Variants in WDR75 observed in about 807,000 individuals in gnomAD.
WDR75 encodes the protein WD repeat domain 75.
Under a neutral mutation model 106.1 loss-of-function variants are expected in WDR75, and 52 were observed. The observed-to-expected ratio is 0.49, with a 90% CI of 0.39 to 0.62. The LOEUF (loss-of-function observed/expected upper bound fraction) is 0.62. WDR75 is among the 20% of genes least tolerant of loss of function. WDR75 has a pLI of 0.00. For missense variants in WDR75, 905 were observed against 970.3 expected (o/e 0.93, Z 0.89); for synonymous variants, 333 against 335.5 (o/e 0.99, Z 0.08).
intron 19 of WDR75, 79 bp from the exon 20 acceptor site, chr2:189,474,638 T>A: frequency 8.0e-7 from 1 of 1,242,802 alleles, no homozygotes; most frequent in Non-Finnish European, 1.2e-6. Context: ...TAAAAGGGAC[T>A]CCGTGAGGAC....
In WDR75 at chr2:189,451,186, A is replaced by G. The variant is rs535688660; in HGVS notation, c.282+218A>G. On this transcript the variant is annotated intron_variant, in intron 3 of 20. Transcript: ENST00000314761. ...GATATTTACAAAAGATATTATTCCA[A>G]ATATACAAAAATCTTCCCAAAAACC... 1.8e-4 allele frequency among the ~76,000 whole-genome samples: 28 copies of G among 152,366 alleles called. No homozygotes were observed. In the South Asian group the frequency reaches 5.6e-3, roughly 30 times the overall value.
chr2:189,469,467 G>A (rs754996417), intron 16 of WDR75, 28 bp downstream of exon 16: 5 of 1,546,162 alleles, frequency 3.2e-6, no homozygotes, highest in Non-Finnish European at 4.5e-6. Context: ...TTTGTAGTAA[G>A]AGAACATCTA....
At chr2:189,473,231 TAAG>T (rs1267416097) in intron 18 of WDR75, among the ~76,000 whole-genome samples, 2 of 151,608 alleles carry the variant, frequency 1.3e-5, no homozygotes, top group African/African-American at 2.4e-5. Flanking sequence ...AAAAAAATTA[TAAG>T]AAAGAGAAAA....
Position 189,459,543 on chromosome 2 carries a change from TTG to T in WDR75, c.778+125_778+126del, listed in dbSNP as rs558450462. 93 of 945,232 alleles carry T rather than the reference TTG, an allele frequency of 9.8e-5. No individual in the cohort carries two copies. The African/African-American group carries it at 1.5e-3, about 15-fold the overall frequency. The allele number at this position is 945,232 out of a possible 1,614,324, so 58.6% of individuals were successfully genotyped here. ...CATGAGCCAAATGAATTCCAAACAC[TTG>T]TGTGTTACCCCTGTATTTTGGGCTT... On this transcript the variant is annotated intron_variant, in intron 8 of 20. Coordinates refer to ENST00000314761, the MANE Select transcript of WDR75 (RefSeq NM_032168.3).
Position 189,475,406 on chromosome 2 carries a change from G to A in WDR75, c.2482G>A (p.Ala828Thr). The change falls in exon 21 of 21, where the codon GCT becomes ACT. Residue 828 changes from alanine (A) to threonine (T), a missense_variant. Transcript: ENST00000314761. ...KFRKIDYSWI[A>T]AL ...TAGGAAAATAGACTACAGCTGGATA[G>A]CTGCCCTTTAAGCCTTGGAGATGGG... 1 of 1,605,606 alleles carries A rather than the reference G, an allele frequency of 6.2e-7. No individual in the cohort carries two copies. Among genetic ancestry groups the A allele is most frequent in the East Asian group, 2.2e-5 (1 of 44,692 alleles).
intron 1 of WDR75, among the ~76,000 whole-genome samples, chr2:189,443,047 C>G (rs957499434): frequency 3.3e-5 from 5 of 152,166 alleles, no homozygotes; most frequent in Non-Finnish European, 7.3e-5. Context: ...TACTTGTCAA[C>G]TATATATTAT....
intron 8 of WDR75, among the ~76,000 whole-genome samples, chr2:189,460,906 CTG>C (rs1336785516): frequency 6.6e-6 from 1 of 152,064 alleles, no homozygotes; most frequent in Non-Finnish European, 1.5e-5. Flanking sequence ...TCCTTACTGA[CTG>C]TGTGGGTATG....
Position 189,462,733 on chromosome 2 carries a change from T to C in WDR75, c.937+91T>C, listed in dbSNP as rs1558986636. 4 of 1,259,918 alleles carry C rather than the reference T, an allele frequency of 3.2e-6. No homozygotes were observed. In the Admixed American group the frequency reaches 6.6e-5, roughly 21 times the overall value. The allele number at this position is 1,259,918 out of a possible 1,614,324, so 78.0% of individuals were successfully genotyped here. A position where few individuals can be genotyped will look rare whatever the true frequency, so the allele number is the denominator to read the frequency against. The stretch of plus-strand genomic sequence containing the variant: ...AACAGAGAATAAAGAGACCTAAAAC[T>C]AAGAGTAGCGTATGAGATTTAATGA... On this transcript the variant is annotated intron_variant, in intron 9 of 20. Transcript: ENST00000314761.
intron 17 of WDR75, 41 bp downstream of exon 17, chr2:189,470,286 G>C (rs1283533392): frequency 3.2e-6 from 5 of 1,580,846 alleles, no homozygotes; most frequent in Non-Finnish European, 4.3e-6. Context: ...TTTGTACATG[G>C]AATTTTAGAC....
intron 20 of WDR75, 124 bp downstream of exon 20, chr2:189,474,932 T>A: frequency 1.2e-6 from 1 of 848,418 alleles, no homozygotes; most frequent in Non-Finnish European, 1.9e-6. Flanking sequence ...TAAAATAGAT[T>A]TAAAGGCTAT....
At chr2:189,464,049 CA>C (rs1686952591) in intron 11 of WDR75, 88 bp downstream of exon 11, 1 of 1,085,710 alleles carries the variant, frequency 9.2e-7, no homozygotes, top group East Asian at 2.4e-5. Context: ...GCTTTTAAAA[CA>C]AGATCCTGTG....
chr2:189,442,270 A>G (rs761870035), intron 1 of WDR75, among the ~76,000 whole-genome samples: 2 of 152,104 alleles, frequency 1.3e-5, no homozygotes, highest in Non-Finnish European at 2.9e-5. Flanking sequence ...AACTACAGAC[A>G]ACAATGCCCG....
chr2:189,450,700 C>T, intron 2 of WDR75: 2 of 1,365,700 alleles, frequency 1.5e-6, no homozygotes, highest in Non-Finnish European at 1.9e-6. Flanking sequence ...TTAGTTAAAA[C>T]TTGAAATGGA....
At position 189,455,404 on chromosome 2, in the gene WDR75, A is replaced by C; in HGVS notation, c.458A>C (p.Tyr153Ser). ...EAKELSFVLD[Y>S]INQSPKCIAF... is the part of the protein sequence containing the mutation. ...AAGGAGCTGTCCTTTGTTTTGGATTACATAAACCAGTCACCCAAGTGCATT... is the reference window on the plus strand; with the variant it reads ...AAGGAGCTGTCCTTTGTTTTGGATTCCATAAACCAGTCACCCAAGTGCATT... The change falls in exon 5 of 21, where the codon TAC becomes TCC. Residue 153 changes from tyrosine (Y) to serine (S), a missense_variant. Tyr to Ser is a moderately radical substitution (Grantham distance 144, BLOSUM62 -2). Coordinates refer to ENST00000314761, the MANE Select transcript of WDR75 (RefSeq NM_032168.3). The C allele has an allele frequency of 6.2e-7, 1 of 1,614,060 alleles. No homozygotes were observed. The highest frequency in any genetic ancestry group is 8.5e-7 in the Non-Finnish European group (1 of 1,179,962).
chr2:189,474,804 AAG>A lies in WDR75; in HGVS notation c.2287_2288del (p.Ser763CysfsTer2), dbSNP rs767511624. ...TTCATTGCTGCTGTCTAAAGAGACTAAGAGGTAAAGCAGTTCTTAAGACAGGT... is the reference window on the plus strand; with the variant it reads ...TTCATTGCTGCTGTCTAAAGAGACTAAGGTAAAGCAGTTCTTAAGACAGGT... ...VNSLLLSKET[K>X]SAKEIPEDVD... On this transcript the variant is annotated frameshift_variant and splice_region_variant, in exon 20 of 21. Coordinates refer to ENST00000314761, the MANE Select transcript of WDR75 (RefSeq NM_032168.3). LOFTEE classifies it high-confidence loss of function. 9.9e-6 allele frequency: 16 copies of A among 1,613,034 alleles called. No individual in the cohort carries two copies. In the Admixed American group the frequency reaches 1.3e-4, roughly 13 times the overall value.
At chr2:189,472,990 G>A (rs1390247303) in intron 18 of WDR75, among the ~76,000 whole-genome samples, 2 of 152,164 alleles carry the variant, frequency 1.3e-5, no homozygotes, top group Non-Finnish European at 2.9e-5. Context: ...GGCCAAGGCA[G>A]GTAGATCACT....
At chr2:189,457,242 A>C (rs77994114) in intron 5 of WDR75, 69 bp from the exon 6 acceptor site, 3 of 825,324 alleles carry the variant, frequency 3.6e-6, no homozygotes, top group South Asian at 1.8e-5. Flanking sequence ...ACTTTGTCTC[A>C]AAAAAAAAAG....
At chr2:189,451,994 G>A in intron 4 of WDR75, 99 bp downstream of exon 4, 2 of 896,032 alleles carry the variant, frequency 2.2e-6, no homozygotes, top group East Asian at 2.5e-5. Flanking sequence ...GAAGCCAACA[G>A]TTTTTAGAAT....
intron 16 of WDR75, 35 bp downstream of exon 16, chr2:189,469,474 T>A (rs781264844): frequency 4.0e-6 from 6 of 1,518,484 alleles, no homozygotes; most frequent in Non-Finnish European, 4.6e-6. Context: ...TAAGAGAACA[T>A]CTATGACCTA....
Sources: allele counts gnomAD v4.1 joint callset (sites outside exome capture counted in the v4.1 genomes callset), GRCh38; gene constraint gnomAD v4.1.1; transcripts MANE v1.5; gene names NCBI Gene and HGNC (gene_info 2026-07-23, HGNC 2026-07-21).